The following EYS variants were observed in gnomAD, a reference collection of about 807,000 sequenced individuals.
The protein encoded by EYS is EGF-like photoreceptor maintenance factor.
In EYS, 250 loss-of-function variants were observed where a neutral mutation model predicts 282.1. The ratio of observed to expected loss-of-function variants is 0.89; its 90% CI spans 0.80 to 0.98. The LOEUF is 0.98. EYS is among the 50% of genes least tolerant of loss of function. EYS has a pLI of 0.00. For synonymous variants in EYS, 1,355 were observed against 1,282.9 expected (o/e 1.06, Z -1.20); for missense variants, 4,016 against 3,709.0 (o/e 1.08, Z -2.15).
intron 22 of EYS, among the ~76,000 whole-genome samples, chr6:64,746,008 G>A (rs916625752): frequency 3.9e-5 from 6 of 152,088 alleles, no homozygotes; most frequent in Non-Finnish European, 7.4e-5. Context: ...TGGGATATAA[G>A]AAGAAAACAT....
intron 35 of EYS, among the ~76,000 whole-genome samples, chr6:63,892,359 A>G (rs553552354): frequency 6.6e-6 from 1 of 152,350 alleles, no homozygotes; most frequent in South Asian, 2.1e-4. Flanking sequence ...CCAAAACAGC[A>G]TGGTACTGGT....
intron 2 of EYS, among the ~76,000 whole-genome samples, chr6:65,512,366 G>C (rs1349853507): frequency 6.6e-6 from 1 of 151,626 alleles, no homozygotes; most frequent in Non-Finnish European, 1.5e-5. Context: ...GCGAGCACCT[G>C]TAGTCCCAGC....
intron 12 of EYS, among the ~76,000 whole-genome samples, chr6:65,093,289 T>C (rs1366452408): frequency 6.6e-6 from 1 of 151,912 alleles, no homozygotes; most frequent in East Asian, 1.9e-4. Flanking sequence ...CAAGAAATGC[T>C]AAAAGGAATT....
chr6:63,854,836 A>G (rs929340694), intron 36 of EYS, among the ~76,000 whole-genome samples: 1 of 152,346 alleles, frequency 6.6e-6, no homozygotes, highest in South Asian at 2.1e-4. Context: ...TGTCTAGATT[A>G]GTGGTCTCCA....
intron 7 of EYS, among the ~76,000 whole-genome samples, chr6:65,391,129 T>C (rs978242391): frequency 6.6e-6 from 1 of 152,018 alleles, no homozygotes; most frequent in Non-Finnish European, 1.5e-5. Flanking sequence ...ATATGGAAAT[T>C]AATACATTGA....
chr6:63,775,716 T>C (rs1369137694), intron 40 of EYS, among the ~76,000 whole-genome samples: 1 of 152,166 alleles, frequency 6.6e-6, no homozygotes, highest in African/African-American at 2.4e-5. Context: ...GAGGTATTCT[T>C]ATATTGAGAT....
chr6:65,058,199 G>A (rs148550410), intron 12 of EYS, among the ~76,000 whole-genome samples: 2,896 of 152,220 alleles, frequency 0.019, 51 homozygotes, highest in Non-Finnish European at 0.028. Flanking sequence ...CTCCCAGGCT[G>A]TAGTGCAGTG....
intron 35 of EYS, among the ~76,000 whole-genome samples, chr6:63,931,791 TC>T (rs1420949076): frequency 6.6e-6 from 1 of 152,190 alleles, no homozygotes; most frequent in Non-Finnish European, 1.5e-5. Flanking sequence ...TTTAACAATT[TC>T]TTTTCTGTTT....
At chr6:64,829,708 G>A (rs1170071353) in intron 19 of EYS, among the ~76,000 whole-genome samples, 6 of 151,804 alleles carry the variant, frequency 4.0e-5, no homozygotes, top group Non-Finnish European at 7.4e-5. Context: ...TATAGAATGC[G>A]GTATGCACTC....
chr6:63,760,936 G>A (rs1025871353), intron 41 of EYS, among the ~76,000 whole-genome samples: 2 of 151,676 alleles, frequency 1.3e-5, no homozygotes, highest in Non-Finnish European at 2.9e-5. Context: ...GAGTTATAAA[G>A]GTACTCATCT....
Position 63,861,423 on chromosome 6 carries a change from G to A in EYS, c.7228+2763C>T, listed in dbSNP as rs1198608034. Reference sequence around the variant, plus strand: ...CCACTCCAATAGTCTTATAAAATCTGTTAGAGATAATACCATCAGAATAGT... The same window carrying A: ...CCACTCCAATAGTCTTATAAAATCTATTAGAGATAATACCATCAGAATAGT... On this transcript the variant is annotated intron_variant, in intron 36 of 42. Transcript: ENST00000503581. 7.2e-5 allele frequency among the ~76,000 whole-genome samples: 11 copies of A among 152,160 alleles called. 1 individual carries two copies. The highest frequency in any genetic ancestry group is 7.2e-4 in the Admixed American group (11 of 15,270).
At chr6:65,624,386 G>A (rs1253735259) in intron 2 of EYS, among the ~76,000 whole-genome samples, 1 of 152,284 alleles carries the variant, frequency 6.6e-6, no homozygotes, top group Non-Finnish European at 1.5e-5. Flanking sequence ...ATGATGAGGA[G>A]ACTATCCTGG....
chr6:63,830,942 C>T (rs1771615657), intron 36 of EYS, among the ~76,000 whole-genome samples: 1 of 152,142 alleles, frequency 6.6e-6, no homozygotes, highest in South Asian at 2.1e-4. Context: ...ATTTTCAACC[C>T]AGAATTTCAT....
Position 64,306,972 on chromosome 6 carries a change from G to A in EYS, c.6189C>T (p.Cys2063=). 1 of 1,424,382 alleles carries A rather than the reference G, an allele frequency of 7.0e-7. No individual in the cohort carries two copies. The highest frequency in any genetic ancestry group is 9.7e-7 in the Non-Finnish European group (1 of 1,034,300). The allele number at this position is 1,424,382 out of a possible 1,614,324, so 88.2% of individuals were successfully genotyped here. Residue 2063 remains cysteine (C), a splice_region_variant and synonymous_variant, in exon 30 of 43, where the codon TGC becomes TGT. Transcript: ENST00000503581. ...AAAAATCACTACTGCTATTTTACCT[G>A]CAATTGTTAATGTGATAGTTTTTCA... ...KAVKNYHINN[C]RSQGFMLSPT... is the part of the protein sequence containing the mutation.
chr6:64,359,067 C>T (rs1336789123), intron 29 of EYS, among the ~76,000 whole-genome samples: 1 of 151,576 alleles, frequency 6.6e-6, no homozygotes, highest in Non-Finnish European at 1.5e-5. Context: ...ATGCAGATAT[C>T]ACAGACAATT....
At chr6:64,763,324 G>A (rs1773221538) in intron 22 of EYS, among the ~76,000 whole-genome samples, 1 of 152,154 alleles carries the variant, frequency 6.6e-6, no homozygotes. Flanking sequence ...GAGGACTAAG[G>A]AAACTTACAA....
At chr6:65,044,041 T>C (rs1485162937) in intron 13 of EYS, among the ~76,000 whole-genome samples, 1 of 151,734 alleles carries the variant, frequency 6.6e-6, no homozygotes, top group East Asian at 1.9e-4. Flanking sequence ...ACAAAACTTA[T>C]TATTTTTCAC....
intron 32 of EYS, among the ~76,000 whole-genome samples, chr6:64,073,514 C>T (rs1771662689): frequency 6.6e-6 from 1 of 151,624 alleles, no homozygotes; most frequent in Non-Finnish European, 1.5e-5. Context: ...AGACAATTTT[C>T]AAACACAATT....
intron 12 of EYS, among the ~76,000 whole-genome samples, chr6:65,097,695 T>C (rs1774778556): frequency 6.6e-6 from 1 of 150,720 alleles, no homozygotes; most frequent in Admixed American, 6.6e-5. Context: ...TCTTGCTACA[T>C]GCAACAACAT....
Sources: allele counts gnomAD v4.1 joint callset (sites outside exome capture counted in the v4.1 genomes callset), GRCh38; gene constraint gnomAD v4.1.1; transcripts MANE v1.5; gene names NCBI Gene and HGNC (gene_info 2026-07-23, HGNC 2026-07-21).